Variants in UNC5D observed in about 807,000 individuals in gnomAD.
The protein encoded by UNC5D is unc-5 netrin receptor D, also known as netrin receptor UNC5D.
Under a neutral mutation model 105.4 loss-of-function variants are expected in UNC5D, and 39 were observed. That is an observed-to-expected ratio of 0.37 (90% CI 0.29 to 0.48). The LOEUF (loss-of-function observed/expected upper bound fraction) is 0.48, where lower values mean the gene tolerates loss of function less well. UNC5D is among the 20% of genes least tolerant of loss of function. The probability of loss-of-function intolerance (pLI) is 0.98; values close to 1 mark genes in which losing one functional copy is unlikely to be tolerated. For synonymous variants in UNC5D, 452 were observed against 450.4 expected, an observed-to-expected ratio of 1.00 and a Z score of -0.04; for missense variants, 991 against 1,202.4, an observed-to-expected ratio of 0.82 and a Z score of 2.60.
chr8:35,489,658 C>T (rs1395461499), intron 1 of UNC5D, among the ~76,000 whole-genome samples: 4 of 152,194 alleles, frequency 2.6e-5, no homozygotes, highest in Non-Finnish European at 5.9e-5. Flanking sequence ...GCCACCCAGT[C>T]TGTGGTATCA....
intron 1 of UNC5D, among the ~76,000 whole-genome samples, chr8:35,269,821 G>A (rs1281019548): frequency 6.6e-6 from 1 of 152,090 alleles, no homozygotes; most frequent in Non-Finnish European, 1.5e-5. Flanking sequence ...GGATTAAGCA[G>A]TGAGTCCAAG....
intron 4 of UNC5D, among the ~76,000 whole-genome samples, chr8:35,637,378 C>T (rs1217303212): frequency 6.6e-6 from 1 of 152,146 alleles, no homozygotes; most frequent in African/African-American, 2.4e-5. Flanking sequence ...GCATAGGTTA[C>T]ATTCATTTAT....
intron 1 of UNC5D, among the ~76,000 whole-genome samples, chr8:35,355,637 T>G (rs1002878570): frequency 3.9e-5 from 6 of 152,176 alleles, no homozygotes; most frequent in African/African-American, 1.4e-4. Context: ...CTCTTACTGA[T>G]GTGGTCTGAA....
intron 3 of UNC5D, among the ~76,000 whole-genome samples, chr8:35,588,725 A>G (rs1355152646): frequency 6.6e-6 from 1 of 152,148 alleles, no homozygotes; most frequent in Non-Finnish European, 1.5e-5. Context: ...GCACTTCTAC[A>G]CAACTCATGA....
chr8:35,284,655 C>T (rs965615285), intron 1 of UNC5D, among the ~76,000 whole-genome samples: 8 of 152,214 alleles, frequency 5.3e-5, no homozygotes, highest in Admixed American at 2.0e-4. Flanking sequence ...CCCAGGTTCA[C>T]GCCATTCTCC....
At chr8:35,236,514 G>A (rs1457771004) in intron 1 of UNC5D, among the ~76,000 whole-genome samples, 2 of 152,134 alleles carry the variant, frequency 1.3e-5, no homozygotes, top group Non-Finnish European at 2.9e-5. Flanking sequence ...ATGAGCACTT[G>A]GCCCGAGGCT....
At chr8:35,352,633 G>A (rs547929915) in intron 1 of UNC5D, among the ~76,000 whole-genome samples, 29 of 152,152 alleles carry the variant, frequency 1.9e-4, no homozygotes, top group African/African-American at 7.0e-4. Context: ...TTGGTTTCGA[G>A]ACAGAGTCTC....
At chr8:35,481,806 T>G (rs929502729) in intron 1 of UNC5D, among the ~76,000 whole-genome samples, 1 of 152,224 alleles carries the variant, frequency 6.6e-6, no homozygotes, top group South Asian at 2.1e-4. Context: ...ATTCTCTATT[T>G]TTATTTAACT....
intron 4 of UNC5D, among the ~76,000 whole-genome samples, chr8:35,630,342 A>G (rs2131074402): frequency 6.6e-6 from 1 of 152,352 alleles, no homozygotes; most frequent in East Asian, 1.9e-4. Context: ...AGGGATTATT[A>G]GCCACTCATT....
At chr8:35,405,666 C>T (rs902090233) in intron 1 of UNC5D, among the ~76,000 whole-genome samples, 4 of 152,022 alleles carry the variant, frequency 2.6e-5, no homozygotes, top group East Asian at 1.9e-4. Context: ...AACTGTTTCT[C>T]GGAGTTGACA....
At chr8:35,660,465 A>G (rs781587088) in intron 4 of UNC5D, among the ~76,000 whole-genome samples, 2 of 152,208 alleles carry the variant, frequency 1.3e-5, no homozygotes, top group African/African-American at 4.8e-5. Flanking sequence ...GAACGACTCC[A>G]TTAAAGATCA....
intron 1 of UNC5D, among the ~76,000 whole-genome samples, chr8:35,294,526 T>A (rs557457933): frequency 2.4e-4 from 37 of 152,308 alleles, no homozygotes; most frequent in African/African-American, 8.9e-4. Flanking sequence ...ATGAATTTGC[T>A]TTGCTTTCTC....
At chr8:35,549,965 T>G (rs1815996682) in intron 2 of UNC5D, among the ~76,000 whole-genome samples, 1 of 151,118 alleles carries the variant, frequency 6.6e-6, no homozygotes, top group Admixed American at 6.6e-5. Context: ...TTTTTTTTTT[T>G]TTTTTGACTA....
intron 13 of UNC5D, among the ~76,000 whole-genome samples, chr8:35,758,428 A>G (rs1388299196): frequency 1.3e-5 from 2 of 149,436 alleles, no homozygotes; most frequent in Non-Finnish European, 2.9e-5. Context: ...CAAGGAAATA[A>G]TATATCAATT....
intron 4 of UNC5D, among the ~76,000 whole-genome samples, chr8:35,602,655 T>A (rs1305310147): frequency 6.6e-6 from 1 of 152,262 alleles, no homozygotes; most frequent in Non-Finnish European, 1.5e-5. Context: ...ATCCCCTTTG[T>A]CATTTTTTAT....
At chr8:35,306,430 C>G (rs1808424800) in intron 1 of UNC5D, among the ~76,000 whole-genome samples, 1 of 151,910 alleles carries the variant, frequency 6.6e-6, no homozygotes, top group African/African-American at 2.4e-5. Flanking sequence ...GGACTTTTAG[C>G]CAGTCCTAAC....
intron 14 of UNC5D, among the ~76,000 whole-genome samples, chr8:35,761,890 C>G (rs1288437396): frequency 1.3e-5 from 2 of 152,120 alleles, no homozygotes; most frequent in Non-Finnish European, 2.9e-5. Context: ...TCATGTAGAA[C>G]ATCATGTGCA....
chr8:35,667,779 G>A (rs184513564), intron 4 of UNC5D, among the ~76,000 whole-genome samples: 81 of 152,216 alleles, frequency 5.3e-4, no homozygotes, highest in Admixed American at 4.7e-3. Flanking sequence ...ATTCTATTAC[G>A]ATAGAAAGGC....
intron 2 of UNC5D, among the ~76,000 whole-genome samples, chr8:35,562,978 A>G (rs895905175): frequency 1.3e-5 from 2 of 152,014 alleles, no homozygotes; most frequent in Non-Finnish European, 2.9e-5. Context: ...ACTTTTGTAT[A>G]TGGTGACAGA....
Sources: allele counts gnomAD v4.1 joint callset (sites outside exome capture counted in the v4.1 genomes callset), GRCh38; gene constraint gnomAD v4.1.1; transcripts MANE v1.5; gene names NCBI Gene and HGNC (gene_info 2026-07-23, HGNC 2026-07-21).